The following INPP4B variants were observed in gnomAD, a reference collection of about 807,000 sequenced individuals.
INPP4B encodes the protein inositol polyphosphate 4-phosphatase type II.
Under a neutral mutation model 122.5 loss-of-function variants are expected in INPP4B, and 55 were observed. The observed-to-expected ratio is 0.45, with a 90% CI of 0.36 to 0.56. The LOEUF (loss-of-function observed/expected upper bound fraction) is 0.56. Among genes scored for constraint, INPP4B ranks in the 20% least tolerant of loss-of-function variants. The probability of loss-of-function intolerance (pLI) is 0.00; values close to 1 mark genes in which losing one functional copy is unlikely to be tolerated. For missense variants in INPP4B, 1,000 were observed against 1,097.7 expected (o/e 0.91, Z 1.26); for synonymous variants, 403 against 388.7 (o/e 1.04, Z -0.43).
At chr4:142,039,762 GA>G (rs888380271) in intron 25 of INPP4B, among the ~76,000 whole-genome samples, 10 of 151,106 alleles carry the variant, frequency 6.6e-5, no homozygotes, top group Admixed American at 6.6e-4. Context: ...AAAGGACCAA[GA>G]AAAAAAAATC....
At chr4:142,372,999 T>C (rs1474134246) in intron 7 of INPP4B, among the ~76,000 whole-genome samples, 5 of 152,070 alleles carry the variant, frequency 3.3e-5, no homozygotes, top group African/African-American at 1.2e-4. Flanking sequence ...GGGCATGTAG[T>C]GCACTTCTCT....
chr4:142,344,030 C>T (rs530080034), intron 7 of INPP4B, among the ~76,000 whole-genome samples: 129 of 152,154 alleles, frequency 8.5e-4, no homozygotes, highest in African/African-American at 3.0e-3. Context: ...ATTGAGATTT[C>T]CTGTGCATTC....
chr4:142,062,766 CAA>C, intron 25 of INPP4B, among the ~76,000 whole-genome samples: 1 of 144,076 alleles, frequency 6.9e-6, no homozygotes, highest in Admixed American at 6.7e-5. Flanking sequence ...AACAAACAAA[CAA>C]ACAAACAGAC....
intron 2 of INPP4B, among the ~76,000 whole-genome samples, chr4:142,706,242 A>G (rs1371775176): frequency 1.3e-5 from 2 of 152,234 alleles, no homozygotes; most frequent in African/African-American, 4.8e-5. Flanking sequence ...GTGAATACGC[A>G]TAGCACCTTG....
intron 2 of INPP4B, among the ~76,000 whole-genome samples, chr4:142,487,900 T>C (rs1471271075): frequency 6.6e-6 from 1 of 152,152 alleles, no homozygotes; most frequent in Non-Finnish European, 1.5e-5. Context: ...GGAATTGTGA[T>C]GGCTTTTACT....
intron 7 of INPP4B, among the ~76,000 whole-genome samples, chr4:142,356,543 G>A (rs1000075023): frequency 2.0e-5 from 3 of 151,794 alleles, no homozygotes; most frequent in African/African-American, 4.8e-5. Flanking sequence ...AGGATAAAAG[G>A]TTGCTCTTGA....
intron 12 of INPP4B, among the ~76,000 whole-genome samples, chr4:142,215,682 A>G (rs1316692227): frequency 2.6e-5 from 4 of 151,900 alleles, no homozygotes; most frequent in African/African-American, 9.7e-5. Context: ...TCACGAGGTC[A>G]GGAGATTGAG....
chr4:142,171,936 C>G (rs1290098545), intron 16 of INPP4B, among the ~76,000 whole-genome samples: 1 of 151,886 alleles, frequency 6.6e-6, no homozygotes, highest in Non-Finnish European at 1.5e-5. Flanking sequence ...TCTGTAATCA[C>G]TGCAGTGGTG....
chr4:142,595,125 G>GT (rs1432816691), intron 2 of INPP4B, among the ~76,000 whole-genome samples: 3 of 151,368 alleles, frequency 2.0e-5, no homozygotes. Flanking sequence ...GCCTATTTAC[G>GT]TAAGTTTTCT....
At chr4:142,395,207 G>C (rs1341041003) in intron 7 of INPP4B, among the ~76,000 whole-genome samples, 1 of 152,186 alleles carries the variant, frequency 6.6e-6, no homozygotes, top group Non-Finnish European at 1.5e-5. Context: ...AAGAGCATCA[G>C]CAGAGTGCAA....
At chr4:142,470,971 C>T (rs530005317) in intron 2 of INPP4B, among the ~76,000 whole-genome samples, 9 of 152,158 alleles carry the variant, frequency 5.9e-5, no homozygotes, top group East Asian at 1.9e-4. Flanking sequence ...ATTAAAAAGA[C>T]GTTAATGAAG....
rs1040513080 is a variant in INPP4B at position 142,738,171 on chromosome 4, G to A, written c.-253-12270C>T. 4.6e-5 allele frequency among the ~76,000 whole-genome samples: 7 copies of A among 152,162 alleles called. No homozygotes were observed. In the South Asian group the frequency reaches 6.2e-4, roughly 13 times the overall value. ...AGACACATGCACATGTATGTTTACC[G>A]CAGCACTATTCACAGTAGCAAAGAC... On this transcript the variant is annotated intron_variant, in intron 1 of 25. Transcript: ENST00000262992.
intron 5 of INPP4B, 140 bp from the exon 6 acceptor site, chr4:142,405,464 C>T (rs981156729): frequency 1.1e-4 from 67 of 622,510 alleles, no homozygotes; most frequent in Non-Finnish European, 1.4e-4. Flanking sequence ...CAGAGGAAGT[C>T]CCTTGGAAGT....
chr4:142,136,755 G>A (rs929084036), intron 18 of INPP4B, among the ~76,000 whole-genome samples: 1 of 152,306 alleles, frequency 6.6e-6, no homozygotes, highest in Non-Finnish European at 1.5e-5. Context: ...CCTTGTAAAA[G>A]AGGGAGAAAG....
At chr4:142,138,462 A>G (rs575069434) in intron 18 of INPP4B, among the ~76,000 whole-genome samples, 1 of 151,572 alleles carries the variant, frequency 6.6e-6, no homozygotes, top group South Asian at 2.1e-4. Context: ...GGTGCAGCAC[A>G]CCAGCATGGC....
chr4:142,622,153 G>A (rs1745080305), intron 2 of INPP4B, among the ~76,000 whole-genome samples: 1 of 151,902 alleles, frequency 6.6e-6, no homozygotes, highest in African/African-American at 2.4e-5. Context: ...GCAATTTTAT[G>A]GCAAACTAAT....
intron 1 of INPP4B, among the ~76,000 whole-genome samples, chr4:142,803,030 C>T (rs1350313228): frequency 1.3e-5 from 2 of 151,646 alleles, no homozygotes; most frequent in African/African-American, 4.8e-5. Flanking sequence ...ATTAGCCAGG[C>T]ATGGTGGTGA....
intron 2 of INPP4B, among the ~76,000 whole-genome samples, chr4:142,464,532 GA>G (rs201986266): frequency 7.4e-4 from 112 of 150,986 alleles, no homozygotes; most frequent in African/African-American, 2.5e-3. Context: ...TTAATTTGGG[GA>G]AAAAAAATTC....
intron 2 of INPP4B, among the ~76,000 whole-genome samples, chr4:142,714,040 C>G (rs1202066546): frequency 6.6e-6 from 1 of 152,088 alleles, no homozygotes; most frequent in Non-Finnish European, 1.5e-5. Context: ...CTGGATTAAA[C>G]AAAGTTAAAC....
Sources: gnomAD v4.1 joint callset for allele counts (sites outside exome capture counted in the v4.1 genomes callset) on GRCh38, gnomAD v4.1.1 for gene constraint, MANE v1.5 for transcripts, NCBI Gene and HGNC (gene_info 2026-07-23, HGNC 2026-07-21) for gene names.